CLVS1: variants seen among roughly 807,000 people sequenced by gnomAD.
The protein encoded by CLVS1 is clavesin-1.
In CLVS1, 10 loss-of-function variants were observed where a neutral mutation model predicts 33.1. That is an observed-to-expected ratio of 0.30 (90% CI 0.19 to 0.51). The LOEUF is 0.51. Ranked by LOEUF, CLVS1 falls within the 20% of genes least tolerant of loss-of-function variation. The probability of loss-of-function intolerance (pLI) is 0.97; values close to 1 mark genes in which losing one functional copy is unlikely to be tolerated. For missense variants in CLVS1, 343 were observed against 433.4 expected (o/e 0.79, Z 1.85); for synonymous variants, 163 against 166.1 (o/e 0.98, Z 0.14).
rs1250089528 is a variant in CLVS1 at position 61,058,798 on chromosome 8, T to C, written c.-243+1568T>C. On this transcript the variant is annotated intron_variant, in intron 1 of 2. Transcript: ENST00000522621. Reference sequence around the variant, plus strand: ...TATAAATGGAATTATATAGTGTATATTCTTTTTTTGTCCTGGCTTCTTTCA... The same window carrying C: ...TATAAATGGAATTATATAGTGTATACTCTTTTTTTGTCCTGGCTTCTTTCA... Among the ~76,000 whole-genome samples the C allele has an allele frequency of 3.9e-5, 6 of 152,330 alleles. No homozygotes were observed. The East Asian group carries it at 9.6e-4, about 24-fold the overall frequency.
In CLVS1 at chr8:61,183,534, TAA is replaced by T. The variant is rs538447683; in HGVS notation, c.-152+51676_-152+51677del. Among the ~76,000 whole-genome samples, 334 of 152,208 alleles carry T rather than the reference TAA, an allele frequency of 2.2e-3. 1 individual carries two copies. Among genetic ancestry groups the T allele is most frequent in the African/African-American group, 7.8e-3 (323 of 41,528 alleles). Reference sequence around the variant, plus strand: ...TCTGCATCCTGAGAGCGGAGGTGAATAAATGGTGTTGTTACACGCAGCTGAAT... The same window carrying T: ...TCTGCATCCTGAGAGCGGAGGTGAATATGGTGTTGTTACACGCAGCTGAAT... On this transcript the variant is annotated intron_variant, in intron 2 of 2. Transcript: ENST00000522621.
At position 61,438,070 on chromosome 8, in the gene CLVS1, CA is replaced by C. The variant is rs61707299; in HGVS notation, c.631-16070del. 8.5e-3 allele frequency among the ~76,000 whole-genome samples: 1,293 copies of C among 152,236 alleles called. 23 individuals are homozygous for C. The highest frequency in any genetic ancestry group is 0.03 in the African/African-American group (1,247 of 41,542). ...TTATGGGGTACATGTGCACAATATG[CA>C]GGTTTGTTACATGGGTATATGTGTG... On this transcript the variant is annotated intron_variant, in intron 3 of 5. Transcript: ENST00000325897.
intron 3 of CLVS1, among the ~76,000 whole-genome samples, chr8:61,390,589 C>T (rs909010049): frequency 2.0e-5 from 3 of 152,186 alleles, no homozygotes; most frequent in Non-Finnish European, 4.4e-5. Flanking sequence ...GTAGCCTCTC[C>T]ACAATGCCTA....
chr8:61,318,909 C>T (rs1811104006), intron 2 of CLVS1, among the ~76,000 whole-genome samples: 1 of 152,002 alleles, frequency 6.6e-6, no homozygotes, highest in Non-Finnish European at 1.5e-5. Context: ...CTGTACCTGA[C>T]CTAAGTCTCA....
intron 2 of CLVS1, among the ~76,000 whole-genome samples, chr8:61,330,647 G>T (rs143357256): frequency 6.4e-4 from 98 of 152,244 alleles, no homozygotes; most frequent in Admixed American, 1.9e-3. Flanking sequence ...CACCAGCCCT[G>T]CTGTACAGAT....
At chr8:61,292,130 TAA>T in intron 1 of CLVS1, 16 of 277,148 alleles carry the variant, frequency 5.8e-5, no homozygotes, top group Non-Finnish European at 9.4e-5. Context: ...TTTTTTTTTT[TAA>T]TATTCTCACT....
chr8:61,223,692 T>C (rs1808270929), intron 2 of CLVS1, among the ~76,000 whole-genome samples: 1 of 152,224 alleles, frequency 6.6e-6, no homozygotes, highest in African/African-American at 2.4e-5. Context: ...CTTAATGGTG[T>C]TCTCTGTATT....
rs555142152 is a variant in CLVS1, at chr8:61,484,344, T to C, written c.978-15111T>C. Among the ~76,000 whole-genome samples, 25 of 152,278 alleles carry C rather than the reference T, an allele frequency of 1.6e-4. No homozygotes were observed. The East Asian group carries it at 4.2e-3, about 26-fold the overall frequency. ...ATCATGAGTGAACTCCCATTCACAA[T>C]TGCTTCAAAGAGAATAAAATACCTA... On this transcript the variant is annotated intron_variant, in intron 5 of 5. Coordinates refer to ENST00000325897, the MANE Select transcript of CLVS1 (RefSeq NM_173519.3).
At chr8:61,259,094 A>T (rs924405812) in intron 2 of CLVS1, among the ~76,000 whole-genome samples, 2 of 152,246 alleles carry the variant, frequency 1.3e-5, no homozygotes, top group African/African-American at 2.4e-5. Context: ...GTTAAAAATC[A>T]CCTACAAAGT....
chr8:61,002,431 C>T, the CLVS1 span, among the ~76,000 whole-genome samples: 16 of 148,870 alleles, frequency 1.1e-4, no homozygotes, highest in African/African-American at 3.7e-4. Context: ...CAGGTTCAAG[C>T]GATTCTCCTC....
intron 3 of CLVS1, among the ~76,000 whole-genome samples, chr8:61,379,036 C>T (rs900445007): frequency 4.6e-5 from 7 of 152,170 alleles, no homozygotes; most frequent in Admixed American, 2.6e-4. Flanking sequence ...AAAGGAAAAG[C>T]CACATGCAGC....
rs1026505499 is a variant in CLVS1, at chr8:61,244,352, T to C, written c.-151-55325T>C. Among the ~76,000 whole-genome samples the C allele has an allele frequency of 2.0e-5, 3 of 152,176 alleles. No homozygotes were observed. In the East Asian group the frequency reaches 5.8e-4, roughly 29 times the overall value. On this transcript the variant is annotated intron_variant, in intron 2 of 2. Coordinates refer to the CLVS1 transcript ENST00000522621. ...ATTGCACTTTGGACAGAAAGCATAC[T>C]CTCCATAAAAAAATTATTAGAAAGT... is the stretch of plus-strand genomic sequence containing the variant.
intron 3 of CLVS1, among the ~76,000 whole-genome samples, chr8:61,384,649 G>C (rs1162114831): frequency 1.3e-5 from 2 of 152,086 alleles, no homozygotes; most frequent in East Asian, 3.9e-4. Flanking sequence ...GGTTAGATAT[G>C]CTGAATTTAA....
At chr8:61,253,883 G>C (rs528570514) in intron 2 of CLVS1, among the ~76,000 whole-genome samples, 1 of 152,132 alleles carries the variant, frequency 6.6e-6, no homozygotes, top group Non-Finnish European at 1.5e-5. Flanking sequence ...CTTTAGCTCG[G>C]AGTAGTTTGA....
At chr8:61,340,660 A>G (rs1198396494) in intron 2 of CLVS1, among the ~76,000 whole-genome samples, 3 of 152,210 alleles carry the variant, frequency 2.0e-5, no homozygotes, top group Non-Finnish European at 4.4e-5. Flanking sequence ...TGCAGATACC[A>G]TTTCAACATA....
intron 2 of CLVS1, among the ~76,000 whole-genome samples, chr8:61,242,909 A>G (rs1208995524): frequency 6.7e-6 from 1 of 150,342 alleles, no homozygotes; most frequent in Non-Finnish European, 1.5e-5. Flanking sequence ...CATAGTAATA[A>G]TGGGTGCATT....
chr8:61,346,649 T>G (rs73682268), intron 2 of CLVS1, among the ~76,000 whole-genome samples: 1 of 152,092 alleles, frequency 6.6e-6, no homozygotes, highest in African/African-American at 2.4e-5. Flanking sequence ...TAGTTTTGAC[T>G]TTTTTCCCCC....
At chr8:61,029,296 G>A in the CLVS1 span, among the ~76,000 whole-genome samples, 1 of 152,204 alleles carries the variant, frequency 6.6e-6, no homozygotes, top group African/African-American at 2.4e-5. Flanking sequence ...GTGTCGGTGA[G>A]GCATGGTCTC....
chr8:61,301,847 C>A (rs1013764105), intron 2 of CLVS1, among the ~76,000 whole-genome samples: 1 of 152,094 alleles, frequency 6.6e-6, no homozygotes, highest in Non-Finnish European at 1.5e-5. Context: ...GGAGATCATG[C>A]CTTTTTCATG....
Sources: allele counts gnomAD v4.1 joint callset (sites outside exome capture counted in the v4.1 genomes callset), GRCh38; gene constraint gnomAD v4.1.1; transcripts MANE v1.5; gene names NCBI Gene and HGNC (gene_info 2026-07-23, HGNC 2026-07-21).